RAD9B: variants seen among roughly 807,000 people sequenced by gnomAD.
The protein encoded by RAD9B is cell cycle checkpoint control protein RAD9B.
In RAD9B, 41 loss-of-function variants were observed where a neutral mutation model predicts 48.3. The observed-to-expected ratio is 0.85, with a 90% CI of 0.66 to 1.10. The LOEUF (loss-of-function observed/expected upper bound fraction) is 1.10. Among genes scored for constraint, RAD9B ranks in the 50% least tolerant of loss-of-function variants. The pLI is 0.00. For synonymous variants in RAD9B, 160 were observed against 157.9 expected (o/e 1.01, Z -0.10); for missense variants, 444 against 485.1 (o/e 0.92, Z 0.80).
Position 110,506,654 on chromosome 12 carries a change from G to T in RAD9B, c.349G>T (p.Asp117Tyr). Residue 117 changes from aspartate to tyrosine, a missense_variant, in exon 4 of 11, where the codon GAT becomes TAT. Physicochemically the swap from Asp to Tyr is radical, Grantham distance 160 (BLOSUM62 -3). Coordinates refer to ENST00000409300, the MANE Select transcript of RAD9B (RefSeq NM_001286535.2). ...IEKCRIFTRSDKCKVVIQFFY... is the reference protein window; with the variant it reads ...IEKCRIFTRSYKCKVVIQFFY... Reference sequence around the variant, plus strand: ...GAAGTGCAGAATATTCACCAGATCTGATAAATGCAAAGTAGTTATTCAATT... The same window carrying T: ...GAAGTGCAGAATATTCACCAGATCTTATAAATGCAAAGTAGTTATTCAATT... 1.3e-6 allele frequency: 2 copies of T among 1,597,522 alleles called. No individual in the cohort carries two copies. The highest frequency in any genetic ancestry group is 2.2e-5 in the South Asian group (2 of 90,524).
At chr12:110,517,481 G>A (rs2063635408) in intron 6 of RAD9B, among the ~76,000 whole-genome samples, 1 of 151,866 alleles carries the variant, frequency 6.6e-6, no homozygotes, top group African/African-American at 2.4e-5. Flanking sequence ...AAAATTAGCT[G>A]GACGTGGTGG....
rs532314787 is a variant in RAD9B at position 110,529,685 on chromosome 12, G to A, written c.1126-840G>A. On this transcript the variant is annotated intron_variant, in intron 10 of 10. Coordinates refer to ENST00000409300, the MANE Select transcript of RAD9B (RefSeq NM_001286535.2). ...GGATTGCCCAGGAGTTTGAGGCTGC[G>A]GTGAGACGTGATCACACAGCTGCAC... Among the ~76,000 whole-genome samples, 77 of 152,208 alleles carry A rather than the reference G, an allele frequency of 5.1e-4. 3 individuals are homozygous for A. Among genetic ancestry groups the A allele is most frequent in the Admixed American group, 4.3e-3 (65 of 15,282 alleles).
chr12:110,520,467 C>T (rs559725497), intron 9 of RAD9B, among the ~76,000 whole-genome samples: 2 of 152,044 alleles, frequency 1.3e-5, no homozygotes, highest in Non-Finnish European at 2.9e-5. Context: ...CTGCCTCAGC[C>T]TCCCAAAGTG....
chr12:110,522,414 A>T lies in RAD9B; in HGVS notation c.1125+3A>T, dbSNP rs759110226. On this transcript the variant is annotated splice_donor_region_variant and intron_variant, in intron 10 of 10. Transcript: ENST00000409300. ...CAGGGTCTCTGTGTCTCAGAAAGGT[A>T]AAAGCATTGAGATTCAACCACATCT... 6.3e-6 allele frequency: 10 copies of T among 1,588,370 alleles called. No individual in the cohort carries two copies. Among genetic ancestry groups the T allele is most frequent in the Non-Finnish European group, 1.7e-6 (2 of 1,163,414 alleles).
rs1415671507 is a variant in RAD9B at position 110,530,807 on chromosome 12, A to G, written c.*154A>G. ...AACCACATCATCTTGTACAACAACC[A>G]TATCTAGAAATAGCTGTTTGTCAAG... On this transcript the variant is annotated 3_prime_UTR_variant, in exon 11 of 11. Coordinates refer to ENST00000409300, the MANE Select transcript of RAD9B (RefSeq NM_001286535.2). 6.3e-6 allele frequency: 9 copies of G among 1,419,334 alleles called. No homozygotes were observed. Among genetic ancestry groups the G allele is most frequent in the Admixed American group, 2.8e-5 (1 of 35,392 alleles). 87.9% of individuals were successfully genotyped at this position (1,419,334 alleles called of 1,614,324 possible).
Position 110,519,553 on chromosome 12 carries a change from C to T in RAD9B, c.768-241C>T, listed in dbSNP as rs372943738. 5.9e-5 allele frequency among the ~76,000 whole-genome samples: 9 copies of T among 151,912 alleles called. No homozygotes were observed. The East Asian group carries it at 1.5e-3, about 26-fold the overall frequency. On this transcript the variant is annotated intron_variant, in intron 8 of 10. Transcript: ENST00000409300. ...TCAAGTGATTCTTCTGCCTTAGCCT[C>T]TTGAGTAGCTGGGATTACAGGCATG...
chr12:110,513,569 C>T (rs2063524226), intron 5 of RAD9B, among the ~76,000 whole-genome samples: 1 of 151,752 alleles, frequency 6.6e-6, no homozygotes, highest in South Asian at 2.1e-4. Flanking sequence ...GCATATATGT[C>T]TTGAAATTTG....
chr12:110,515,407 T>C (rs561995724), intron 6 of RAD9B, among the ~76,000 whole-genome samples: 35 of 152,316 alleles, frequency 2.3e-4, no homozygotes, highest in Middle Eastern at 3.4e-3. Flanking sequence ...ACGCCTGTAA[T>C]CCCAGCATTT....
At chr12:110,519,054 A>G in intron 8 of RAD9B, 116 bp downstream of exon 8, 1 of 678,412 alleles carries the variant, frequency 1.5e-6, no homozygotes, top group Non-Finnish European at 2.4e-6. Flanking sequence ...TTTACTATTA[A>G]TACTTATCAA....
chr12:110,530,724 T>C lies in RAD9B; in HGVS notation c.*71T>C. ...TTTGCCCCTCAAGCACGAGTTTGCA[T>C]GTTTAGTGTCTAAAAGAGGTTGTCC... On this transcript the variant is annotated 3_prime_UTR_variant, in exon 11 of 11. Coordinates refer to ENST00000409300, the MANE Select transcript of RAD9B (RefSeq NM_001286535.2). 1 of 1,600,070 alleles carries C rather than the reference T, an allele frequency of 6.2e-7. No homozygotes were observed.
intron 10 of RAD9B, among the ~76,000 whole-genome samples, chr12:110,529,520 G>GCAGGAGGATTGCTTGAAGC (rs1157741273): frequency 6.6e-6 from 1 of 152,162 alleles, no homozygotes; most frequent in Non-Finnish European, 1.5e-5. Context: ...GGAGGTGAAG[G>GCAGGAGGATTGCTTGAAGC]CAGGAGGATT....
chr12:110,531,512 T>C lies in RAD9B; in HGVS notation c.*859T>C. The C allele has an allele frequency of 2.4e-6, 3 of 1,247,386 alleles. No homozygotes were observed. The South Asian group carries it at 3.8e-5, about 16-fold the overall frequency. 77.3% of individuals were successfully genotyped at this position (1,247,386 alleles called of 1,614,324 possible). On this transcript the variant is annotated 3_prime_UTR_variant, in exon 11 of 11. Transcript: ENST00000409300. The stretch of plus-strand genomic sequence containing the variant: ...CAACCTGGAGTGTTTTTACATATTG[T>C]AAAATTTTATTTCCTAACCTCAAAT...
intron 3 of RAD9B, 124 bp downstream of exon 3, chr12:110,505,896 TA>T: frequency 1.3e-6 from 1 of 783,134 alleles, no homozygotes; most frequent in Non-Finnish European, 1.9e-6. Context: ...TTATTATTAT[TA>T]TTTTTGAGAC....
chr12:110,522,319 G>A lies in RAD9B; in HGVS notation c.1033G>A (p.Ala345Thr). ...TGCATTGGAAAACTGTGGCAGCCCT[G>A]CAATGAAAAGAGTGGATGGAGATGT... is the stretch of plus-strand genomic sequence containing the variant. ...ISALENCGSP[A>T]MKRVDGDVSE... The change falls in exon 10 of 11, where the codon GCA becomes ACA. Residue 345 changes from alanine (A) to threonine (T), a missense_variant. Coordinates refer to ENST00000409300, the MANE Select transcript of RAD9B (RefSeq NM_001286535.2). 1 of 1,613,680 alleles carries A rather than the reference G, an allele frequency of 6.2e-7. No individual in the cohort carries two copies. Among genetic ancestry groups the A allele is most frequent in the Non-Finnish European group, 8.5e-7 (1 of 1,179,784 alleles).
In RAD9B at chr12:110,505,738, C is replaced by A. The variant is rs1359458468; in HGVS notation, c.239C>A (p.Thr80Lys). The A allele has an allele frequency of 6.2e-7, 1 of 1,611,982 alleles. No homozygotes were observed. The highest frequency in any genetic ancestry group is 8.5e-7 in the Non-Finnish European group (1 of 1,179,030). ...AAAATGAGTGAAAATGAACTTGACACAACACTGCATTTAAAATGCAAATTG... is the reference window on the plus strand; with the variant it reads ...AAAATGAGTGAAAATGAACTTGACAAAACACTGCATTTAAAATGCAAATTG... The part of the protein sequence containing the change: ...LVKMSENELD[T>K]TLHLKCKLGM... The change falls in exon 3 of 11, where the codon ACA (threonine) becomes AAA (lysine). Residue 80 changes from threonine (T) to lysine (K), a missense_variant. Thr to Lys is a moderately conservative substitution (Grantham distance 78, BLOSUM62 -1). Coordinates refer to ENST00000409300, the MANE Select transcript of RAD9B (RefSeq NM_001286535.2).
intron 10 of RAD9B, among the ~76,000 whole-genome samples, chr12:110,530,076 C>T (rs1305319757): frequency 6.6e-6 from 1 of 152,098 alleles, no homozygotes; most frequent in African/African-American, 2.4e-5. Flanking sequence ...TGGAGTCTTG[C>T]TCTGTCCCCA....
intron 8 of RAD9B, 93 bp from the exon 9 acceptor site, chr12:110,519,701 T>C: frequency 7.0e-7 from 1 of 1,422,548 alleles, no homozygotes; most frequent in Non-Finnish European, 9.4e-7. Context: ...CTCCCCTGTT[T>C]CTTTTTAGTC....
At position 110,515,038 on chromosome 12, in the gene RAD9B, T is replaced by C. The variant is rs2063566858; in HGVS notation, c.489-12T>C. 2 of 1,480,096 alleles carry C rather than the reference T, an allele frequency of 1.4e-6. No homozygotes were observed. Among genetic ancestry groups the C allele is most frequent in the South Asian group, 1.2e-5 (1 of 82,284 alleles). 91.7% of individuals were successfully genotyped at this position (1,480,096 alleles called of 1,614,324 possible). The stretch of plus-strand genomic sequence containing the variant: ...TTCAAATAATGTTAATACTGTTCTT[T>C]ACATTTTATAGATTGCTTGCTGATG... On this transcript the variant is annotated splice_polypyrimidine_tract_variant and intron_variant, in intron 5 of 10. Transcript: ENST00000409300.
intron 1 of RAD9B, 26 bp downstream of exon 1, chr12:110,502,409 A>C (rs1206080010): frequency 6.2e-7 from 1 of 1,612,488 alleles, no homozygotes; most frequent in South Asian, 1.1e-5. Context: ...TTGTCTTCCC[A>C]TTTAGCAGAG....
Sources: allele counts gnomAD v4.1 joint callset (sites outside exome capture counted in the v4.1 genomes callset), GRCh38; gene constraint gnomAD v4.1.1; transcripts MANE v1.5; gene names NCBI Gene and HGNC (gene_info 2026-07-23, HGNC 2026-07-21).